ACTN3: variants seen among roughly 807,000 people sequenced by gnomAD.
The protein encoded by ACTN3 is alpha-actinin-3.
Under a neutral mutation model 119.6 loss-of-function variants are expected in ACTN3, and 91 were observed. The observed-to-expected ratio is 0.76, with a 90% confidence interval of 0.64 to 0.91. The LOEUF (loss-of-function observed/expected upper bound fraction) is 0.91. Among genes scored for constraint, ACTN3 ranks in the 40% least tolerant of loss-of-function variants. The pLI is 0.00. For missense variants in ACTN3, 1,221 were observed against 1,215.1 expected, an observed-to-expected ratio of 1.00 and a Z score of -0.07; for synonymous variants, 456 against 478.8, an observed-to-expected ratio of 0.95 and a Z score of 0.62.
chr11:66,546,529 G>C (rs746540484), upstream of ACTN3: 36 of 1,535,394 alleles, frequency 2.3e-5, 1 homozygote, highest in South Asian at 4.3e-4. Context: ...AGGGCTCTGT[G>C]TCCCACCAGC....
At position 66,561,600 on chromosome 11, in the gene ACTN3, T is replaced by C. The variant is rs1243854658; in HGVS notation, c.2138T>C (p.Leu713Pro). The stretch of plus-strand genomic sequence containing the variant: ...GACCACCAGCTGCTGCAGGAGAGCC[T>C]GGTGTTCGACAATAAGCACACCGTC... Reference protein sequence around the residue: ...EGDHQLLQESLVFDNKHTVYS... With the variant: ...EGDHQLLQESPVFDNKHTVYS... The change falls in exon 17 of 21, where the codon CTG becomes CCG. Residue 713 changes from leucine to proline, a missense_variant. Around this residue, in one of 3 missense-constraint regions of ACTN3, gnomAD observed 934 missense variants for 899.9 expected, o/e 1.04. Transcript: ENST00000513398. 3 of 1,612,910 alleles carry C rather than the reference T, an allele frequency of 1.9e-6. No homozygotes were observed. The South Asian group carries it at 3.3e-5, about 18-fold the overall frequency.
In ACTN3 at chr11:66,551,644, G is replaced by A. The variant is rs772734725; in HGVS notation, c.379G>A (p.Glu127Lys). 1 of 1,613,520 alleles carries A rather than the reference G, an allele frequency of 6.2e-7. No homozygotes were observed. The highest frequency in any genetic ancestry group is 8.5e-7 in the Non-Finnish European group (1 of 1,180,018). The change falls in exon 3 of 21, where the codon GAA (glutamate) becomes AAA (lysine). Residue 127 changes from glutamate to lysine, a missense_variant. Physicochemically the swap from Glu to Lys is moderately conservative, Grantham distance 56. Around this residue, in one of 3 missense-constraint regions of ACTN3, gnomAD observed 239 missense variants for 231.8 expected, o/e 1.03. Coordinates refer to ENST00000513398, the MANE Select transcript of ACTN3 (RefSeq NM_001104.4). ...KGVKLVSIGA[E>K]EIVDGNLKMT... Reference sequence around the variant, plus strand: ...GGTTAAACTGGTGTCCATTGGTGCTGAAGGTGAGGAGGTGGCAGGAAGGGT... The same window carrying A: ...GGTTAAACTGGTGTCCATTGGTGCTAAAGGTGAGGAGGTGGCAGGAAGGGT...
Position 66,551,362 on chromosome 11 carries a change from G to A in ACTN3, c.262+9G>A. Reference sequence around the variant, plus strand: ...CCTGGAGGTCATTTCAGGTGAGGATGGCAAATCAGTGCACCTGGGCCCCAG... The same window carrying A: ...CCTGGAGGTCATTTCAGGTGAGGATAGCAAATCAGTGCACCTGGGCCCCAG... On this transcript the variant is annotated intron_variant, in intron 2 of 20. Transcript: ENST00000513398. 6.3e-7 allele frequency: 1 copy of A among 1,596,374 alleles called. No individual in the cohort carries two copies. The highest frequency in any genetic ancestry group is 8.5e-7 in the Non-Finnish European group (1 of 1,171,176).
At position 66,557,092 on chromosome 11, in the gene ACTN3, A is replaced by G. The variant is rs1472585752; in HGVS notation, c.805-41A>G. ...TGGGTTTTAAGGGCTTTACAGAAGC[A>G]ATTTGCTTTAATGCCAGCCTTCTGC... On this transcript the variant is annotated intron_variant, in intron 8 of 20. Transcript: ENST00000513398. 3 of 1,536,366 alleles carry G rather than the reference A, an allele frequency of 2.0e-6. 1 individual carries two copies. In the East Asian group the frequency reaches 7.4e-5, roughly 38 times the overall value.
At chr11:66,551,183 T>C in intron 1 of ACTN3, 56 bp from the exon 2 acceptor site, 1 of 1,267,988 alleles carries the variant, frequency 7.9e-7, no homozygotes, top group Non-Finnish European at 1.1e-6. Context: ...GACAGGACTG[T>C]GCCCTACATC....
At chr11:66,555,073 G>A in intron 5 of ACTN3, 57 bp from the exon 6 acceptor site, 1 of 1,529,086 alleles carries the variant, frequency 6.5e-7, no homozygotes, top group African/African-American at 1.4e-5. Context: ...CTGGGCCGAG[G>A]GGAGAACGGG....
At chr11:66,550,184 A>G (rs1189492654) in intron 1 of ACTN3, among the ~76,000 whole-genome samples, 1 of 152,204 alleles carries the variant, frequency 6.6e-6, no homozygotes, top group Non-Finnish European at 1.5e-5. Context: ...AATTACACAA[A>G]TGGGAAGACC....
rs1857684993 is a variant in ACTN3, at chr11:66,559,362, T to C, written c.1403T>C (p.Ile468Thr). Reference sequence around the variant, plus strand: ...GCGCACCAGGACCGCGTGGAGCACATTGCCGCGCTGGCCCAGGAGCTCAAG... The same window carrying C: ...GCGCACCAGGACCGCGTGGAGCACACTGCCGCGCTGGCCCAGGAGCTCAAG... ...LAAHQDRVEHIAALAQELNEL... is the reference protein window; with the variant it reads ...LAAHQDRVEHTAALAQELNEL... The change falls in exon 12 of 21, where the codon ATT becomes ACT. Residue 468 changes from isoleucine to threonine, a missense_variant. Ile to Thr is a moderately conservative substitution (Grantham distance 89, BLOSUM62 -1). Transcript: ENST00000513398. 3 of 1,557,754 alleles carry C rather than the reference T, an allele frequency of 1.9e-6. No homozygotes were observed. The highest frequency in any genetic ancestry group is 2.5e-5 in the East Asian group (1 of 40,350).
intron 7 of ACTN3, 43 bp downstream of exon 7, chr11:66,555,410 A>T (rs906195334): frequency 6.3e-7 from 1 of 1,596,110 alleles, no homozygotes; most frequent in Admixed American, 1.7e-5. Flanking sequence ...CATTCTCCAC[A>T]CTGGGCCTGG....
intron 3 of ACTN3, among the ~76,000 whole-genome samples, chr11:66,551,936 T>C (rs2134920668): frequency 6.6e-6 from 1 of 151,384 alleles, no homozygotes; most frequent in South Asian, 2.1e-4. Context: ...ATCAGCTGGG[T>C]GTGGTGGCGC....
rs1395107785 is a variant in ACTN3 at position 66,560,023 on chromosome 11, G to C, written c.1483G>C (p.Asp495His). Residue 495 changes from aspartate (D) to histidine (H), a missense_variant, in exon 13 of 21, where the codon GAT becomes CAT. Asp to His is a moderately conservative substitution (Grantham distance 81, BLOSUM62 -1). Transcript: ENST00000513398. Reference sequence around the variant, plus strand: ...GAATAGCCGCTGCCAGGCCATCTGCGATCAGTGGGACAACCTGGGCACCCT... The same window carrying C: ...GAATAGCCGCTGCCAGGCCATCTGCCATCAGTGGGACAACCTGGGCACCCT... ...SVNSRCQAIC[D>H]QWDNLGTLTQ... 2.5e-6 allele frequency: 4 copies of C among 1,599,382 alleles called. No homozygotes were observed. Among genetic ancestry groups the C allele is most frequent in the Non-Finnish European group, 2.6e-6 (3 of 1,174,046 alleles).
In ACTN3 at chr11:66,557,181, G is replaced by A. The variant is rs748725379; in HGVS notation, c.853G>A (p.Glu285Lys). The A allele has an allele frequency of 3.6e-5, 56 of 1,554,032 alleles. 1 individual carries two copies. The East Asian group carries it at 1.2e-3, about 34-fold the overall frequency. The change falls in exon 9 of 21, where the codon GAA becomes AAA. Residue 285 changes from glutamate to lysine, a missense_variant. Coordinates refer to ENST00000513398, the MANE Select transcript of ACTN3 (RefSeq NM_001104.4). ...CTGCAAGGTGCTGGCAGTGAACCAG[G>A]AAAACGAGAAGCTGATGGAGGAGTA... is the stretch of plus-strand genomic sequence containing the variant. ...RICKVLAVNQ[E>K]NEKLMEEYEK...
In ACTN3 at chr11:66,563,036, A is replaced by C; in HGVS notation, c.2549A>C (p.Asn850Thr). The change falls in exon 21 of 21, where the codon AAC (asparagine) becomes ACC (threonine). Residue 850 changes from asparagine to threonine, a missense_variant and splice_region_variant. Around this residue, in one of 3 missense-constraint regions of ACTN3, gnomAD observed 934 missense variants for 899.9 expected, o/e 1.04. Transcript: ENST00000513398. ...GTCCTCAACGCCTCTTCTCCCCAGA[A>C]CTACATCACCCCCGAGGAGCTGCGG... ...ASFKILAGDK[N>T]YITPEELRRE... The C allele has an allele frequency of 6.2e-7, 1 of 1,611,098 alleles. No individual in the cohort carries two copies. The highest frequency in any genetic ancestry group is 8.5e-7 in the Non-Finnish European group (1 of 1,178,296).
chr11:66,555,934 C>G (rs1183827476), intron 7 of ACTN3, among the ~76,000 whole-genome samples: 6 of 152,204 alleles, frequency 3.9e-5, no homozygotes, highest in South Asian at 4.1e-4. Flanking sequence ...CAGTCCCTCA[C>G]ACTTTGCTCA....
At chr11:66,562,997 C>T (rs777408373) in intron 20 of ACTN3, 38 bp from the exon 21 acceptor site, 3 of 1,607,592 alleles carry the variant, frequency 1.9e-6, no homozygotes, top group South Asian at 1.1e-5. Flanking sequence ...TAGGGCAGGG[C>T]ACGGGACCTG....
Position 66,563,071 on chromosome 11 carries a change from C to T in ACTN3, c.2584C>T (p.Pro862Ser). ...ITPEELRREL[P>S]AKQAEYCIRR... ...CCCCGAGGAGCTGCGGCGCGAGCTC[C>T]CTGCCAAGCAGGCCGAGTACTGCAT... The change falls in exon 21 of 21, where the codon CCT (proline) becomes TCT (serine). Residue 862 changes from proline (P) to serine (S), a missense_variant. Physicochemically the swap from Pro to Ser is moderately conservative, Grantham distance 74. Transcript: ENST00000513398. 1 of 1,612,880 alleles carries T rather than the reference C, an allele frequency of 6.2e-7. No homozygotes were observed. Among genetic ancestry groups the T allele is most frequent in the Non-Finnish European group, 8.5e-7 (1 of 1,179,448 alleles).
chr11:66,562,435 A>C, intron 19 of ACTN3, 113 bp downstream of exon 19: 3 of 1,227,370 alleles, frequency 2.4e-6, no homozygotes, highest in African/African-American at 1.5e-5. Context: ...TCTTCACTAC[A>C]TCCACACAGG....
In ACTN3 at chr11:66,554,058, G is replaced by C. The variant is rs762844320; in HGVS notation, c.396G>C (p.Gly132=). The C allele has an allele frequency of 8.1e-6, 13 of 1,613,662 alleles. No individual in the cohort carries two copies. The highest frequency in any genetic ancestry group is 1.3e-5 in the African/African-American group (1 of 74,834). Residue 132 remains glycine, a synonymous_variant, in exon 4 of 21, where the codon GGG becomes GGC. Coordinates refer to ENST00000513398, the MANE Select transcript of ACTN3 (RefSeq NM_001104.4). ...VSIGAEEIVD[G]NLKMTLGMIW... ...CCTGCCCTGCAGAGATTGTTGACGGGAACCTGAAGATGACCCTGGGCATGA... is the reference window on the plus strand; with the variant it reads ...CCTGCCCTGCAGAGATTGTTGACGGCAACCTGAAGATGACCCTGGGCATGA...
intron 3 of ACTN3, 49 bp downstream of exon 3, chr11:66,551,696 T>C (rs756005439): frequency 2.5e-6 from 4 of 1,607,014 alleles, no homozygotes; most frequent in South Asian, 2.2e-5. Flanking sequence ...GGGCCTCTCT[T>C]GACATCAGCA....
Sources: gnomAD v4.1 joint callset for allele counts (sites outside exome capture counted in the v4.1 genomes callset) on GRCh38, gnomAD v4.1.1 for gene constraint, gnomAD v4.1.1 regional missense constraint, MANE v1.5 for transcripts, NCBI Gene and HGNC (gene_info 2026-07-23, HGNC 2026-07-21) for gene names.